CNTNAP5: variants seen among roughly 807,000 people sequenced by gnomAD.
CNTNAP5 encodes the protein contactin associated protein family member 5.
A neutral mutation model predicts 150.2 loss-of-function variants in CNTNAP5; 72 were observed. That is an observed-to-expected ratio of 0.48 (90% CI 0.40 to 0.58). CNTNAP5 has a LOEUF of 0.58. CNTNAP5 is among the 20% of genes least tolerant of loss of function. The probability of loss-of-function intolerance (pLI) is 0.00; values close to 1 mark genes in which losing one functional copy is unlikely to be tolerated. For missense variants in CNTNAP5, 1,636 were observed against 1,626.2 expected, an observed-to-expected ratio of 1.01 and a Z score of -0.10; for synonymous variants, 672 against 619.8, an observed-to-expected ratio of 1.08 and a Z score of -1.25.
chr2:124,648,902 C>T (rs998283929), intron 13 of CNTNAP5, among the ~76,000 whole-genome samples: 4 of 152,082 alleles, frequency 2.6e-5, no homozygotes, highest in Non-Finnish European at 5.9e-5. Context: ...CTTTGAAAGG[C>T]TGGGGAAAAA....
chr2:124,560,788 A>G (rs1239310679), intron 10 of CNTNAP5, among the ~76,000 whole-genome samples: 1 of 152,112 alleles, frequency 6.6e-6, no homozygotes, highest in East Asian at 1.9e-4. Context: ...CAGTGTTGGC[A>G]TCCCCCTTTT....
At chr2:124,602,421 T>A (rs1697008290) in intron 11 of CNTNAP5, among the ~76,000 whole-genome samples, 1 of 151,184 alleles carries the variant, frequency 6.6e-6, no homozygotes, top group Non-Finnish European at 1.5e-5. Flanking sequence ...TCAACAGTTA[T>A]CAATATTCTC....
intron 1 of CNTNAP5, among the ~76,000 whole-genome samples, chr2:124,096,479 A>G (rs1682935117): frequency 6.6e-6 from 1 of 152,128 alleles, no homozygotes; most frequent in Non-Finnish European, 1.5e-5. Context: ...TTAGGGGACT[A>G]GACATTCATT....
In CNTNAP5 at chr2:124,255,584, T is replaced by TAAAATAA. The variant is rs1558821619; in HGVS notation, c.381+13193_381+13194insAATAAAA. Among the ~76,000 whole-genome samples, 227 of 59,004 alleles carry TAAAATAA rather than the reference T, an allele frequency of 3.8e-3. 3 individuals are homozygous for TAAAATAA. The highest frequency in any genetic ancestry group is 0.013 in the African/African-American group (220 of 16,804). 38.7% of individuals were successfully genotyped at this position (59,004 alleles called of 152,430 possible). A position where few individuals can be genotyped will look rare whatever the true frequency, so the allele number is the denominator to read the frequency against. On this transcript the variant is annotated intron_variant, in intron 3 of 23. Transcript: ENST00000682447. ...TAAAATAAAATAAAATAAAATAAAA[T>TAAAATAA]AATAATTTTTTTTTAAAAAGTAAAT...
intron 13 of CNTNAP5, among the ~76,000 whole-genome samples, chr2:124,706,893 G>GGAAGAAGGAGAAGGAGAAGAAGAAGAA (rs1553433553): frequency 1.5e-5 from 1 of 64,540 alleles, no homozygotes; most frequent in Non-Finnish European, 2.9e-5. Flanking sequence ...AAGAGGAAGA[G>GGAAGAAGGAGAAGGAGAAGAAGAAGAA]GAAGAAGAAG....
chr2:124,267,747 T>C (rs1687647599), intron 3 of CNTNAP5, among the ~76,000 whole-genome samples: 1 of 152,196 alleles, frequency 6.6e-6, no homozygotes, highest in Non-Finnish European at 1.5e-5. Flanking sequence ...TAATATAAAA[T>C]GTTCTGTATA....
intron 19 of CNTNAP5, among the ~76,000 whole-genome samples, chr2:124,800,891 G>A (rs1041871586): frequency 6.6e-6 from 1 of 152,124 alleles, no homozygotes; most frequent in Admixed American, 6.6e-5. Context: ...GTCCTCAGGA[G>A]GTCCTGAGAA....
intron 1 of CNTNAP5, among the ~76,000 whole-genome samples, chr2:124,153,927 C>CT (rs969694415): frequency 2.0e-5 from 3 of 151,416 alleles, no homozygotes; most frequent in East Asian, 1.9e-4. Flanking sequence ...GGCTTTTTTT[C>CT]TTTTTTTTAA....
At chr2:124,186,195 A>G (rs1278915381) in intron 1 of CNTNAP5, among the ~76,000 whole-genome samples, 2 of 152,192 alleles carry the variant, frequency 1.3e-5, no homozygotes, top group African/African-American at 4.8e-5. Context: ...AGATCCATCG[A>G]TGTAGAAAAT....
intron 2 of CNTNAP5, among the ~76,000 whole-genome samples, chr2:124,235,193 T>G (rs1436528785): frequency 6.6e-6 from 1 of 152,146 alleles, no homozygotes; most frequent in Non-Finnish European, 1.5e-5. Flanking sequence ...TTTTGAACTT[T>G]GTATCAATCT....
At chr2:124,669,727 G>A (rs749608363) in intron 13 of CNTNAP5, among the ~76,000 whole-genome samples, 35 of 152,110 alleles carry the variant, frequency 2.3e-4, no homozygotes, top group Admixed American at 1.6e-3. Flanking sequence ...TCATTCTTCC[G>A]GACACTCAGA....
At chr2:124,044,878 G>A (rs1456053048) in intron 1 of CNTNAP5, among the ~76,000 whole-genome samples, 1 of 136,536 alleles carries the variant, frequency 7.3e-6, no homozygotes, top group Non-Finnish European at 1.5e-5. Context: ...CGGAAGCAAT[G>A]GTAGTGAGGA....
intron 4 of CNTNAP5, among the ~76,000 whole-genome samples, chr2:124,424,775 C>G (rs1692199881): frequency 6.6e-6 from 1 of 152,120 alleles, no homozygotes; most frequent in African/African-American, 2.4e-5. Flanking sequence ...TAAGACAATC[C>G]TTGCCCTTTA....
At chr2:124,284,572 G>C (rs1365802362) in intron 3 of CNTNAP5, among the ~76,000 whole-genome samples, 1 of 152,100 alleles carries the variant, frequency 6.6e-6, no homozygotes, top group Non-Finnish European at 1.5e-5. Context: ...ATTTACCTAT[G>C]TAACAAACCT....
At chr2:124,894,833 G>T (rs994796995) in intron 21 of CNTNAP5, among the ~76,000 whole-genome samples, 5 of 151,430 alleles carry the variant, frequency 3.3e-5, no homozygotes, top group Non-Finnish European at 5.9e-5. Context: ...GATTATAAGA[G>T]TGAGCCACAG....
intron 13 of CNTNAP5, among the ~76,000 whole-genome samples, chr2:124,724,305 A>C (rs1680110150): frequency 6.6e-6 from 1 of 152,058 alleles, no homozygotes; most frequent in Non-Finnish European, 1.5e-5. Flanking sequence ...ACTGCAAAGG[A>C]TACAGATTAA....
chr2:124,361,942 TGTGCTAGCAATCAGC>T (rs1404021181), intron 3 of CNTNAP5, among the ~76,000 whole-genome samples: 2 of 152,176 alleles, frequency 1.3e-5, no homozygotes, highest in African/African-American at 4.8e-5. Flanking sequence ...CTCAGACTGC[TGTGCTAGCAATCAGC>T]GAGACTTCGT....
At chr2:124,657,494 A>G (rs1052703180) in intron 13 of CNTNAP5, among the ~76,000 whole-genome samples, 12 of 151,954 alleles carry the variant, frequency 7.9e-5, no homozygotes, top group Non-Finnish European at 1.2e-4. Flanking sequence ...TCCTCACCAT[A>G]CTAGACAAGT....
intron 1 of CNTNAP5, among the ~76,000 whole-genome samples, chr2:124,187,758 G>A (rs1208415817): frequency 1.3e-5 from 2 of 152,186 alleles, no homozygotes; most frequent in Admixed American, 6.5e-5. Flanking sequence ...TGCCTTTTTA[G>A]AGCTGATTCT....
Sources: gnomAD v4.1 joint callset for allele counts (sites outside exome capture counted in the v4.1 genomes callset) on GRCh38, gnomAD v4.1.1 for gene constraint, MANE v1.5 for transcripts, NCBI Gene and HGNC (gene_info 2026-07-23, HGNC 2026-07-21) for gene names.